The following EPB41 variants were observed in gnomAD, a reference collection of about 807,000 sequenced individuals.
EPB41 encodes protein 4.1.
EPB41 carries 65 observed loss-of-function variants against 108.0 expected under a neutral mutation model. The observed-to-expected ratio is 0.60, with a 90% CI of 0.49 to 0.74. The LOEUF (loss-of-function observed/expected upper bound fraction) is 0.74. Ranked by LOEUF, EPB41 falls within the 30% of genes least tolerant of loss-of-function variation. EPB41 has a pLI of 0.00. For synonymous variants in EPB41, 336 were observed against 358.9 expected, an observed-to-expected ratio of 0.94 and a Z score of 0.72; for missense variants, 875 against 1,037.0, an observed-to-expected ratio of 0.84 and a Z score of 2.15.
intron 1 of EPB41, among the ~76,000 whole-genome samples, chr1:28,920,185 T>C (rs1304033824): frequency 6.6e-6 from 1 of 152,224 alleles, no homozygotes; most frequent in Non-Finnish European, 1.5e-5. Flanking sequence ...AAGCAATAGA[T>C]GCTCTATTAA....
chr1:28,972,766 A>ATT lies in EPB41; in HGVS notation c.-7-14654_-7-14653dup, dbSNP rs5773227. On this transcript the variant is annotated intron_variant, in intron 1 of 20. Transcript: ENST00000343067. ...AGGCTCATGAAACTATGCTTGGCTAATTTTTTTTTTTTCCTTTAGTAGAGA... is the reference window on the plus strand; with the variant it reads ...AGGCTCATGAAACTATGCTTGGCTAATTTTTTTTTTTTTTCCTTTAGTAGAGA... 3.9e-3 allele frequency among the ~76,000 whole-genome samples: 580 copies of ATT among 147,092 alleles called. 5 individuals carry two copies. The highest frequency in any genetic ancestry group is 0.013 in the African/African-American group (534 of 40,316).
intron 18 of EPB41, 111 bp downstream of exon 18, chr1:29,109,548 C>T (rs1345017306): frequency 8.2e-6 from 7 of 857,828 alleles, no homozygotes; most frequent in South Asian, 1.4e-5. Flanking sequence ...AGCTCCATCC[C>T]TAGTAAGCCA....
At chr1:29,035,014 C>G (rs1421315614) in intron 9 of EPB41, among the ~76,000 whole-genome samples, 1 of 124,052 alleles carries the variant, frequency 8.1e-6, no homozygotes, top group Non-Finnish European at 1.6e-5. Context: ...AGAAGTCTCG[C>G]TTTGTCACCC....
intron 16 of EPB41, among the ~76,000 whole-genome samples, chr1:29,092,950 C>A (rs182604002): frequency 6.6e-6 from 1 of 152,132 alleles, no homozygotes; most frequent in African/African-American, 2.4e-5. Context: ...ATCTAATTTG[C>A]GATTGATGGG....
chr1:28,965,564 A>G (rs982239978), intron 1 of EPB41, among the ~76,000 whole-genome samples: 3 of 152,204 alleles, frequency 2.0e-5, no homozygotes, highest in Non-Finnish European at 4.4e-5. Context: ...TTTCAACACC[A>G]TTGAAACACA....
intron 1 of EPB41, among the ~76,000 whole-genome samples, chr1:28,968,321 C>G (rs1036737615): frequency 5.9e-5 from 9 of 152,072 alleles, no homozygotes; most frequent in Non-Finnish European, 8.8e-5. Flanking sequence ...CACCACTGCA[C>G]TCCAGCCTAG....
chr1:28,887,484 T>C lies in EPB41; in HGVS notation c.-8+274T>C, dbSNP rs1217225720. ...GGATCCGGAGCTAGACACGTCCGGG[T>C]CCGGCCGGTCCTGGCTGTCTGGGGC... is the stretch of plus-strand genomic sequence containing the variant. On this transcript the variant is annotated intron_variant, in intron 1 of 16. Transcript: ENST00000347529. The surrounding 1 kb of genome is among the most constrained non-coding windows in gnomAD (Gnocchi z 4.9). 5.1e-6 allele frequency: 5 copies of C among 984,998 alleles called. No individual in the cohort carries two copies. In the East Asian group the frequency reaches 3.4e-4, roughly 68 times the overall value. 61.0% of individuals were successfully genotyped at this position (984,998 alleles called of 1,614,324 possible).
intron 1 of EPB41, chr1:28,982,682 G>C (rs958840554): frequency 7.3e-6 from 5 of 688,964 alleles, no homozygotes; most frequent in Non-Finnish European, 1.3e-5. Flanking sequence ...GACTTAGGTT[G>C]TTTGTCGTGG....
chr1:28,980,368 A>C (rs1186192824), intron 1 of EPB41, among the ~76,000 whole-genome samples: 1 of 151,958 alleles, frequency 6.6e-6, no homozygotes, highest in African/African-American at 2.4e-5. Flanking sequence ...TACATTTAAA[A>C]AATTTAAAAA....
intron 1 of EPB41, among the ~76,000 whole-genome samples, chr1:28,977,508 A>G (rs1317283530): frequency 4.0e-5 from 6 of 151,744 alleles, no homozygotes; most frequent in Admixed American, 1.3e-4. Context: ...TTTGAGGATT[A>G]GGATTGAGAT....
At chr1:28,967,674 C>G (rs2095393805) in intron 1 of EPB41, among the ~76,000 whole-genome samples, 1 of 152,116 alleles carries the variant, frequency 6.6e-6, no homozygotes, top group South Asian at 2.1e-4. Flanking sequence ...GGCATGATCA[C>G]AGCTGACTGC....
At chr1:29,006,225 T>C (rs1481458600) in intron 4 of EPB41, among the ~76,000 whole-genome samples, 1 of 147,040 alleles carries the variant, frequency 6.8e-6, no homozygotes, top group African/African-American at 2.5e-5. Flanking sequence ...TACATATACA[T>C]CCCAAAGAAT....
intron 15 of EPB41, among the ~76,000 whole-genome samples, chr1:29,062,130 C>T (rs192984617): frequency 1.3e-5 from 2 of 152,294 alleles, no homozygotes; most frequent in Admixed American, 1.3e-4. Flanking sequence ...TCAAACTTGG[C>T]AACTGGATCT....
At chr1:28,913,060 G>C (rs1172065735), upstream of EPB41, among the ~76,000 whole-genome samples, 4 of 152,146 alleles carry the variant, frequency 2.6e-5, no homozygotes, top group Non-Finnish European at 5.9e-5. Context: ...CTGTGGCCTT[G>C]AACTCCTGTG....
At chr1:28,983,443 T>C (rs183379276) in intron 1 of EPB41, among the ~76,000 whole-genome samples, 2 of 152,316 alleles carry the variant, frequency 1.3e-5, no homozygotes, top group Admixed American at 1.3e-4. Flanking sequence ...GCCAGCAGCA[T>C]TGGCAACATC....
intron 1 of EPB41, among the ~76,000 whole-genome samples, chr1:28,947,138 C>T (rs1303090741): frequency 6.6e-6 from 1 of 152,184 alleles, no homozygotes; most frequent in African/African-American, 2.4e-5. Flanking sequence ...AATCTCTTGG[C>T]CGGGCTGGGT....
intron 1 of EPB41, among the ~76,000 whole-genome samples, chr1:28,918,965 A>G (rs1040509788): frequency 5.9e-5 from 9 of 152,296 alleles, no homozygotes; most frequent in Middle Eastern, 3.4e-3. Context: ...TGGAGTGCAC[A>G]CTGGGTTAGA....
chr1:28,966,069 G>C (rs1448499951), intron 1 of EPB41, among the ~76,000 whole-genome samples: 1 of 151,962 alleles, frequency 6.6e-6, no homozygotes, highest in African/African-American at 2.4e-5. Context: ...TGTAATTCCA[G>C]CTACTTGGGA....
At chr1:28,918,449 T>G (rs1311067363) in intron 1 of EPB41, among the ~76,000 whole-genome samples, 1 of 152,242 alleles carries the variant, frequency 6.6e-6, no homozygotes, top group Non-Finnish European at 1.5e-5. Context: ...AATTTTTTCT[T>G]TAATTACTTG....
Sources: gnomAD v4.1 joint callset for allele counts (sites outside exome capture counted in the v4.1 genomes callset) on GRCh38, gnomAD v4.1.1 for gene constraint, Gnocchi (gnomAD v3.1) non-coding constraint, MANE v1.5 for transcripts, NCBI Gene and HGNC (gene_info 2026-07-23, HGNC 2026-07-21) for gene names.